Variants in NRCAM observed in about 807,000 individuals in gnomAD.
The protein encoded by NRCAM is neuronal cell adhesion molecule.
Under a neutral mutation model 156.5 loss-of-function variants are expected in NRCAM, and 83 were observed. The ratio of observed to expected loss-of-function variants is 0.53; its 90% CI spans 0.44 to 0.64. The LOEUF is 0.64. Ranked by LOEUF, NRCAM falls within the 30% of genes least tolerant of loss-of-function variation. The pLI is 0.00. For missense variants in NRCAM, 1,417 were observed against 1,597.3 expected (o/e 0.89, Z 1.92); for synonymous variants, 538 against 563.9 (o/e 0.95, Z 0.65).
At chr7:108,381,109 C>T (rs1230839225) in intron 2 of NRCAM, among the ~76,000 whole-genome samples, 7 of 152,066 alleles carry the variant, frequency 4.6e-5, no homozygotes, top group African/African-American at 9.7e-5. Flanking sequence ...ACCCTAAGGA[C>T]TAATGCCATT....
intron 32 of NRCAM, among the ~76,000 whole-genome samples, chr7:108,157,565 ATTTTT>A (rs2046279654): frequency 1.3e-5 from 2 of 152,090 alleles, no homozygotes; most frequent in Non-Finnish European, 2.9e-5. Context: ...CTCAACCTCC[ATTTTT>A]TAGAACAGAT....
Position 108,182,741 on chromosome 7 carries a change from C to T in NRCAM, c.2484G>A (p.Gly828=), listed in dbSNP as rs1316019358. Residue 828 remains glycine (G), a synonymous_variant, in exon 23 of 33, where the codon GGG becomes GGA. Coordinates refer to ENST00000379028, the MANE Select transcript of NRCAM (RefSeq NM_001037132.4). ...TGACTACAGCTGGCTCGGGGGCAAA[C>T]CCCATGTCATTCAGGGCCTGAACTT... The part of the protein sequence containing the change: ...LIKVQALNDM[G]FAPEPAVVMG... The T allele has an allele frequency of 1.2e-6, 2 of 1,614,226 alleles. No individual in the cohort carries two copies. The highest frequency in any genetic ancestry group is 2.2e-5 in the South Asian group (2 of 91,092).
Position 108,274,566 on chromosome 7 carries a change from T to C in NRCAM, c.-106-34396A>G, listed in dbSNP as rs1237647623. Among the ~76,000 whole-genome samples the C allele has an allele frequency of 2.0e-5, 3 of 152,356 alleles. No homozygotes were observed. The East Asian group carries it at 5.8e-4, about 29-fold the overall frequency. On this transcript the variant is annotated intron_variant, in intron 3 of 32. Coordinates refer to ENST00000379028, the MANE Select transcript of NRCAM (RefSeq NM_001037132.4). ...GTCTGTTATTGGTGTATAGGAATGCTTGTGGTTTTTGCACATTGATTTTGT... is the reference window on the plus strand; with the variant it reads ...GTCTGTTATTGGTGTATAGGAATGCCTGTGGTTTTTGCACATTGATTTTGT...
At chr7:108,155,526 ATCC>A (rs2044807250) in intron 32 of NRCAM, among the ~76,000 whole-genome samples, 1 of 151,956 alleles carries the variant, frequency 6.6e-6, no homozygotes, top group Admixed American at 6.6e-5. Flanking sequence ...TCCCTGTACC[ATCC>A]TCCTCCTATG....
chr7:108,380,617 G>A (rs1359128015), intron 2 of NRCAM, among the ~76,000 whole-genome samples: 1 of 152,068 alleles, frequency 6.6e-6, no homozygotes, highest in Admixed American at 6.6e-5. Context: ...TGAGGATCTG[G>A]TTTTGTTGTT....
chr7:108,366,049 G>C (rs2154332402), intron 2 of NRCAM, among the ~76,000 whole-genome samples: 1 of 152,214 alleles, frequency 6.6e-6, no homozygotes, highest in Admixed American at 6.5e-5. Context: ...TGAAGGAGTG[G>C]GCTTGTTCCT....
In NRCAM at chr7:108,383,473, G is replaced by C. The variant is rs762427821; in HGVS notation, c.-174+15963C>G. Among the ~76,000 whole-genome samples, 3 of 152,290 alleles carry C rather than the reference G, an allele frequency of 2.0e-5. No individual in the cohort carries two copies. The South Asian group carries it at 6.2e-4, about 32-fold the overall frequency. On this transcript the variant is annotated intron_variant, in intron 2 of 32. Transcript: ENST00000379028. The stretch of plus-strand genomic sequence containing the variant: ...TTCCATTTCAGGGATGAGGGAATTT[G>C]ATATAACTTATGACAAGGGCTTGGT...
intron 3 of NRCAM, among the ~76,000 whole-genome samples, chr7:108,299,681 G>A (rs1216454273): frequency 3.3e-5 from 5 of 152,110 alleles, no homozygotes; most frequent in South Asian, 2.1e-4. Flanking sequence ...ACGGGCAGCC[G>A]GGTAATAACT....
intron 26 of NRCAM, among the ~76,000 whole-genome samples, chr7:108,177,655 A>ATATATATATATG (rs1397627703): frequency 2.0e-4 from 3 of 14,954 alleles, no homozygotes; most frequent in African/African-American, 3.6e-4. Context: ...ATATATATAT[A>ATATATATATATG]TATATGTATA....
chr7:108,191,748 G>A lies in NRCAM; in HGVS notation c.1884C>T (p.Ser628=), dbSNP rs187279989. Residue 628 remains serine (S), a synonymous_variant, in exon 18 of 33, where the codon AGC becomes AGT. Coordinates refer to ENST00000379028, the MANE Select transcript of NRCAM (RefSeq NM_001037132.4). ...ANTTLDSVSA[S]AVLSVVAPTP... The stretch of plus-strand genomic sequence containing the variant: ...TCTTACCAACAACGCTAAGCACAGC[G>A]CTGGCGGAGACGCTGTCCAGAGTGG... 1.1e-4 allele frequency: 177 copies of A among 1,613,546 alleles called. No homozygotes were observed. Among genetic ancestry groups the A allele is most frequent in the Middle Eastern group, 3.3e-4 (2 of 6,026 alleles).
chr7:108,352,444 T>TATCA (rs1365542047), intron 2 of NRCAM, among the ~76,000 whole-genome samples: 1 of 152,208 alleles, frequency 6.6e-6, no homozygotes, highest in Non-Finnish European at 1.5e-5. Flanking sequence ...GGTTGGCCAA[T>TATCA]ATCAGAACTA....
rs2097780029 is a variant in NRCAM at position 108,279,657 on chromosome 7, GCTCAAAGAATC to G, written c.-107+32997_-107+33007del. 4.6e-5 allele frequency among the ~76,000 whole-genome samples: 3 copies of G among 65,922 alleles called. No individual in the cohort carries two copies. In the Admixed American group the frequency reaches 6.8e-4, roughly 15 times the overall value. 43.2% of individuals were successfully genotyped at this position (65,922 alleles called of 152,430 possible). On this transcript the variant is annotated intron_variant, in intron 3 of 32. Transcript: ENST00000379028. ...CCCTCCCCACCCACCCCACCCCTGGGCTCAAAGAATCCTCTCGCCTCTGCCTCCCAAGTAGC... is the reference window on the plus strand; with the variant it reads ...CCCTCCCCACCCACCCCACCCCTGGGCTCTCGCCTCTGCCTCCCAAGTAGC...
chr7:108,237,010 C>T (rs1373013355), intron 5 of NRCAM, among the ~76,000 whole-genome samples: 1 of 152,174 alleles, frequency 6.6e-6, no homozygotes, highest in Non-Finnish European at 1.5e-5. Context: ...CCTCCTTAAA[C>T]AGTGCTTGGG....
At chr7:108,226,450 T>C in intron 8 of NRCAM, 72 bp from the exon 9 acceptor site, 3 of 1,034,040 alleles carry the variant, frequency 2.9e-6, no homozygotes, top group African/African-American at 1.6e-5. Flanking sequence ...GCAAGATAAA[T>C]GTACCTACTA....
At chr7:108,429,084 T>C (rs985693327) in intron 1 of NRCAM, among the ~76,000 whole-genome samples, 1 of 152,224 alleles carries the variant, frequency 6.6e-6, no homozygotes, top group Non-Finnish European at 1.5e-5. Flanking sequence ...GTTCTATATA[T>C]GTCCTTAATT....
chr7:108,279,082 C>T (rs1248980747), intron 3 of NRCAM, among the ~76,000 whole-genome samples: 1 of 152,124 alleles, frequency 6.6e-6, no homozygotes, highest in African/African-American at 2.4e-5. Context: ...TCCATTATAC[C>T]AGGTGACGAG....
At chr7:108,234,854 G>C (rs1245756000) in intron 5 of NRCAM, 166 bp from the exon 6 acceptor site, 1 of 757,160 alleles carries the variant, frequency 1.3e-6, no homozygotes, top group South Asian at 1.4e-5. Context: ...TTCTGCTAAA[G>C]GTCTGCTAAA....
chr7:108,453,893 T>A (rs531447490), intron 1 of NRCAM, among the ~76,000 whole-genome samples: 1 of 152,356 alleles, frequency 6.6e-6, no homozygotes, highest in African/African-American at 2.4e-5. Context: ...AATGATTTCC[T>A]AAGATTGGAT....
intron 32 of NRCAM, among the ~76,000 whole-genome samples, chr7:108,155,101 T>TATACACACACACACACAC (rs1270777439): frequency 1.6e-5 from 2 of 123,102 alleles, no homozygotes; most frequent in African/African-American, 7.1e-5. Context: ...TATATATATA[T>TATACACACACACACACAC]ACACACACAC....
Sources: gnomAD v4.1 joint callset for allele counts (sites outside exome capture counted in the v4.1 genomes callset) on GRCh38, gnomAD v4.1.1 for gene constraint, MANE v1.5 for transcripts, NCBI Gene and HGNC (gene_info 2026-07-23, HGNC 2026-07-21) for gene names.